The following EXOC6B variants were observed in gnomAD, a reference collection of about 807,000 sequenced individuals.
EXOC6B encodes SEC15 homolog B.
EXOC6B carries 54 observed loss-of-function variants against 113.5 expected under a neutral mutation model. The observed-to-expected ratio is 0.48, with a 90% confidence interval of 0.38 to 0.60. The LOEUF (loss-of-function observed/expected upper bound fraction) is 0.60. Ranked by LOEUF, EXOC6B falls within the 20% of genes least tolerant of loss-of-function variation. EXOC6B has a pLI of 0.00. For synonymous variants in EXOC6B, 357 were observed against 339.0 expected (o/e 1.05, Z -0.58); for missense variants, 797 against 977.5 (o/e 0.82, Z 2.46).
chr2:72,514,799 AAAT>A (rs1701131607), intron 9 of EXOC6B, 119 bp from the exon 10 acceptor site: 2 of 651,508 alleles, frequency 3.1e-6, no homozygotes, highest in East Asian at 2.8e-5. Flanking sequence ...GATAAGGTAA[AAAT>A]AATAATATTA....
intron 6 of EXOC6B, among the ~76,000 whole-genome samples, chr2:72,617,757 A>G (rs1413634309): frequency 1.3e-5 from 2 of 152,012 alleles, no homozygotes; most frequent in East Asian, 3.9e-4. Flanking sequence ...TCAAGTGATC[A>G]GCCTGCCTCA....
At chr2:72,685,903 C>G (rs930913760) in intron 6 of EXOC6B, among the ~76,000 whole-genome samples, 1 of 152,154 alleles carries the variant, frequency 6.6e-6, no homozygotes, top group Non-Finnish European at 1.5e-5. Flanking sequence ...AGAAGGAGAA[C>G]AGAATAAATG....
chr2:72,397,631 A>AAAAT (rs1558625669), intron 18 of EXOC6B, among the ~76,000 whole-genome samples: 32 of 115,168 alleles, frequency 2.8e-4, no homozygotes, highest in African/African-American at 1.3e-3. Context: ...AAAAAAAAAT[A>AAAAT]AAATAAAATA....
At chr2:72,236,181 A>G (rs905414985) in intron 20 of EXOC6B, among the ~76,000 whole-genome samples, 13 of 152,192 alleles carry the variant, frequency 8.5e-5, no homozygotes, top group Non-Finnish European at 1.8e-4. Context: ...TTGGCAAATC[A>G]AAGTGCATAA....
At chr2:72,607,428 TAC>T (rs1378673782) in intron 6 of EXOC6B, among the ~76,000 whole-genome samples, 3 of 152,210 alleles carry the variant, frequency 2.0e-5, no homozygotes, top group African/African-American at 7.2e-5. Context: ...TTATACATTA[TAC>T]AGTCTGTGGT....
chr2:72,605,573 A>C (rs1359949671), intron 6 of EXOC6B, among the ~76,000 whole-genome samples: 1 of 152,228 alleles, frequency 6.6e-6, no homozygotes, highest in East Asian at 1.9e-4. Context: ...TTAAGTTCAC[A>C]AAATCATTGT....
chr2:72,481,064 G>A (rs1336388552), intron 16 of EXOC6B, among the ~76,000 whole-genome samples: 3 of 152,166 alleles, frequency 2.0e-5, no homozygotes, highest in East Asian at 3.9e-4. Context: ...TCGTGATAGT[G>A]AGTGAGTTCT....
chr2:72,695,618 G>C (rs1189255420), intron 6 of EXOC6B, among the ~76,000 whole-genome samples: 1 of 151,822 alleles, frequency 6.6e-6, no homozygotes, highest in Non-Finnish European at 1.5e-5. Context: ...TGAAAGTCAG[G>C]ATCTCCCTAA....
intron 1 of EXOC6B, among the ~76,000 whole-genome samples, chr2:72,756,172 T>G (rs1682401178): frequency 6.6e-6 from 1 of 152,178 alleles, no homozygotes; most frequent in African/African-American, 2.4e-5. Context: ...CTCTGTATCA[T>G]AATGATAAAC....
chr2:72,816,309 A>C (rs868018687), intron 1 of EXOC6B, among the ~76,000 whole-genome samples: 1 of 152,242 alleles, frequency 6.6e-6, no homozygotes, highest in Non-Finnish European at 1.5e-5. Context: ...ATATATTTAC[A>C]TAATGGAATA....
At chr2:72,418,098 G>T (rs1558648033) in intron 18 of EXOC6B, among the ~76,000 whole-genome samples, 1 of 151,858 alleles carries the variant, frequency 6.6e-6, no homozygotes, top group African/African-American at 2.4e-5. Flanking sequence ...GGTAAAATTT[G>T]CCTTTTATGG....
At chr2:72,777,169 AG>A (rs1209224659) in intron 1 of EXOC6B, among the ~76,000 whole-genome samples, 1 of 152,162 alleles carries the variant, frequency 6.6e-6, no homozygotes, top group African/African-American at 2.4e-5. Context: ...TGAACCTGGG[AG>A]GCAGAGGTTG....
At chr2:72,301,532 C>T (rs1000909721) in intron 20 of EXOC6B, among the ~76,000 whole-genome samples, 1 of 152,122 alleles carries the variant, frequency 6.6e-6, no homozygotes, top group Admixed American at 6.5e-5. Context: ...GGGCTTGTTA[C>T]TGGTCTGTTC....
chr2:72,300,436 A>G (rs1369470503), intron 20 of EXOC6B, among the ~76,000 whole-genome samples: 2 of 152,202 alleles, frequency 1.3e-5, no homozygotes, highest in African/African-American at 4.8e-5. Flanking sequence ...AATTTCAGCC[A>G]GTGGATCTTA....
At chr2:72,781,430 G>A (rs938033241) in intron 1 of EXOC6B, among the ~76,000 whole-genome samples, 1 of 152,168 alleles carries the variant, frequency 6.6e-6, no homozygotes, top group Non-Finnish European at 1.5e-5. Flanking sequence ...CTTACTCTGA[G>A]AAGCAGCCAA....
At chr2:72,641,641 G>T (rs1673246570) in intron 6 of EXOC6B, among the ~76,000 whole-genome samples, 1 of 152,250 alleles carries the variant, frequency 6.6e-6, no homozygotes, top group Non-Finnish European at 1.5e-5. Flanking sequence ...GCAGGGCATA[G>T]CTGAACAAAA....
chr2:72,486,751 A>G (rs1387288028), intron 16 of EXOC6B, among the ~76,000 whole-genome samples: 2 of 152,058 alleles, frequency 1.3e-5, no homozygotes, highest in Admixed American at 1.3e-4. Flanking sequence ...AAACTCTCTT[A>G]CTTAAGGACA....
chr2:72,368,291 AC>A (rs1690764985), intron 19 of EXOC6B, among the ~76,000 whole-genome samples: 1 of 152,206 alleles, frequency 6.6e-6, no homozygotes, highest in African/African-American at 2.4e-5. Flanking sequence ...CTCGACACAT[AC>A]ACACTCCCAA....
intron 1 of EXOC6B, among the ~76,000 whole-genome samples, chr2:72,768,121 T>TAAAA (rs70963144): frequency 1.8e-5 from 2 of 108,326 alleles, no homozygotes; most frequent in African/African-American, 7.2e-5. Context: ...GAGACTCCGT[T>TAAAA]AAAAAAAAAA....
Sources: gnomAD v4.1 joint callset for allele counts (sites outside exome capture counted in the v4.1 genomes callset) on GRCh38, gnomAD v4.1.1 for gene constraint, MANE v1.5 for transcripts, NCBI Gene and HGNC (gene_info 2026-07-23, HGNC 2026-07-21) for gene names.